SYCP2L: variants seen among roughly 807,000 people sequenced by gnomAD.
SYCP2L encodes the protein synaptonemal complex protein 2-like.
In SYCP2L, 98 loss-of-function variants were observed where a neutral mutation model predicts 125.8. The ratio of observed to expected loss-of-function variants is 0.78; its 90% confidence interval spans 0.66 to 0.92. The LOEUF (loss-of-function observed/expected upper bound fraction) is 0.92. Ranked by LOEUF, SYCP2L falls within the 40% of genes least tolerant of loss-of-function variation. The pLI, the probability that SYCP2L is intolerant of heterozygous loss-of-function variation, is 0.00. For missense variants in SYCP2L, 842 were observed against 936.4 expected, an observed-to-expected ratio of 0.90 and a Z score of 1.32; for synonymous variants, 317 against 325.4, an observed-to-expected ratio of 0.97 and a Z score of 0.28.
At chr6:10,927,204 C>T (rs755351262) in intron 16 of SYCP2L, 36 bp from the exon 17 acceptor site, 120 of 1,611,512 alleles carry the variant, frequency 7.4e-5, no homozygotes, top group South Asian at 4.7e-4. Context: ...AGCGTGTGCA[C>T]GGTTATTATA....
At chr6:10,949,025 G>A (rs1239286966) in intron 23 of SYCP2L, among the ~76,000 whole-genome samples, 1 of 151,880 alleles carries the variant, frequency 6.6e-6, no homozygotes, top group African/African-American at 2.4e-5. Flanking sequence ...TTGCTTATTT[G>A]TATCTTTGAC....
At chr6:10,931,121 T>C (rs1780989746) in intron 19 of SYCP2L, among the ~76,000 whole-genome samples, 1 of 152,158 alleles carries the variant, frequency 6.6e-6, no homozygotes, top group Admixed American at 6.5e-5. Context: ...CAGCGAGCAG[T>C]GATCGTGCCA....
In SYCP2L at chr6:10,906,666, C is replaced by T. The variant is rs558168953; in HGVS notation, c.676+612C>T. On this transcript the variant is annotated intron_variant, in intron 9 of 29. Transcript: ENST00000283141. ...AGGCTGGAGTGCAATGGCGCGATCTCGGCTCACTGCAGCCTCCGCCTCCCG... is the reference window on the plus strand; with the variant it reads ...AGGCTGGAGTGCAATGGCGCGATCTTGGCTCACTGCAGCCTCCGCCTCCCG... Among the ~76,000 whole-genome samples the T allele has an allele frequency of 3.0e-4, 45 of 151,128 alleles. No individual in the cohort carries two copies. In the South Asian group the frequency reaches 6.9e-3, roughly 23 times the overall value.
chr6:10,941,021 T>TA (rs1269656933), intron 21 of SYCP2L, among the ~76,000 whole-genome samples: 3 of 152,134 alleles, frequency 2.0e-5, no homozygotes, highest in Non-Finnish European at 4.4e-5. Context: ...AATTCATCTT[T>TA]GACAAACCTG....
chr6:10,952,338 T>G (rs925284063), intron 23 of SYCP2L, among the ~76,000 whole-genome samples: 1 of 152,052 alleles, frequency 6.6e-6, no homozygotes. Context: ...TTTCTAAAAG[T>G]CTAGTGATTT....
rs189801291 is a variant in SYCP2L, at chr6:10,904,350, A to G, written c.641+1387A>G. On this transcript the variant is annotated intron_variant, in intron 8 of 29. Coordinates refer to ENST00000283141, the MANE Select transcript of SYCP2L (RefSeq NM_001040274.3). ...TGAACCCACGACTGCGCTAACAACC[A>G]GCCAGCGCGGAGGACATCATGGTGG... is the stretch of plus-strand genomic sequence containing the variant. Among the ~76,000 whole-genome samples the G allele has an allele frequency of 3.3e-3, 496 of 152,332 alleles. 3 individuals carry two copies. Among genetic ancestry groups the G allele is most frequent in the Non-Finnish European group, 2.2e-3 (151 of 68,028 alleles).
At chr6:10,926,537 T>TA in intron 16 of SYCP2L, 105 bp downstream of exon 16, 1 of 791,976 alleles carries the variant, frequency 1.3e-6, no homozygotes, top group South Asian at 1.6e-5. Flanking sequence ...GAGTGATGCG[T>TA]GTCTGATGGC....
At chr6:10,918,682 ACG>A (rs1780731490) in intron 14 of SYCP2L, among the ~76,000 whole-genome samples, 1 of 151,908 alleles carries the variant, frequency 6.6e-6, no homozygotes, top group South Asian at 2.1e-4. Flanking sequence ...GATTACAGGC[ACG>A]TGCCACCATA....
At chr6:10,973,468 G>T (rs556455887) in intron 29 of SYCP2L, among the ~76,000 whole-genome samples, 1 of 152,310 alleles carries the variant, frequency 6.6e-6, no homozygotes, top group Non-Finnish European at 1.5e-5. Flanking sequence ...GGAAGCAGAG[G>T]TTGCAGTAAG....
intron 14 of SYCP2L, chr6:10,922,704 T>TGAA (rs1780821401): frequency 1.3e-5 from 2 of 151,958 alleles, no homozygotes; most frequent in African/African-American, 4.8e-5. Context: ...TTCCCTGGAG[T>TGAA]GATGAGTAAA....
At chr6:10,940,067 A>G (rs573698713) in intron 21 of SYCP2L, among the ~76,000 whole-genome samples, 20 of 147,042 alleles carry the variant, frequency 1.4e-4, no homozygotes, top group Non-Finnish European at 2.6e-4. Context: ...AAGAAGCACA[A>G]ATGGCTAATG....
chr6:10,930,219 C>T (rs998482748), intron 18 of SYCP2L, 151 bp from the exon 19 acceptor site: 1 of 700,730 alleles, frequency 1.4e-6, no homozygotes, highest in East Asian at 3.1e-5. Context: ...TTTTCTTCCA[C>T]TCCATACTTC....
At chr6:10,934,907 CAG>C in intron 20 of SYCP2L, 149 bp from the exon 21 acceptor site, 1 of 734,442 alleles carries the variant, frequency 1.4e-6, no homozygotes, top group South Asian at 2.6e-5. Context: ...TAAAAACACA[CAG>C]AAATTCTTAG....
Position 10,894,129 on chromosome 6 carries a change from A to G in SYCP2L, c.261A>G (p.Lys87=). 6.2e-7 allele frequency: 1 copy of G among 1,613,602 alleles called. No homozygotes were observed. The highest frequency in any genetic ancestry group is 8.5e-7 in the Non-Finnish European group (1 of 1,179,730). ...TTCAGTCTGTGTCACTGTTGCTGAA[A>G]TGTATTCAGCGATTCCTCGTAGATG... The part of the protein sequence containing the change: ...NEFQSVSLLL[K]CIQRFLVDGL... Residue 87 remains lysine (K), a synonymous_variant, in exon 4 of 30, where the codon AAA becomes AAG. Coordinates refer to ENST00000283141, the MANE Select transcript of SYCP2L (RefSeq NM_001040274.3).
At chr6:10,929,094 G>T (rs913277311) in intron 18 of SYCP2L, among the ~76,000 whole-genome samples, 2 of 151,834 alleles carry the variant, frequency 1.3e-5, no homozygotes, top group Non-Finnish European at 2.9e-5. Flanking sequence ...GATTTGCCAT[G>T]TTGGCCAGAC....
At chr6:10,926,212 C>A in intron 15 of SYCP2L, 127 bp from the exon 16 acceptor site, 1 of 711,752 alleles carries the variant, frequency 1.4e-6, no homozygotes, top group Non-Finnish European at 2.4e-6. Flanking sequence ...CAGGAGAGGA[C>A]AAACTGGTAA....
chr6:10,897,410 CTTTTT>C (rs5874295), intron 4 of SYCP2L, among the ~76,000 whole-genome samples: 1 of 129,850 alleles, frequency 7.7e-6, no homozygotes. Context: ...TCACTTATCT[CTTTTT>C]TTTTTTTTTT....
intron 2 of SYCP2L, 64 bp downstream of exon 2, chr6:10,891,645 G>GTA: frequency 9.3e-6 from 8 of 864,062 alleles, no homozygotes; most frequent in South Asian, 6.6e-5. Context: ...GTGTGTGTGT[G>GTA]TGTGTGTGTG....
At chr6:10,958,945 A>G in intron 26 of SYCP2L, 70 bp downstream of exon 26, 2 of 1,351,416 alleles carry the variant, frequency 1.5e-6, no homozygotes, top group Non-Finnish European at 2.1e-6. Context: ...TCTCATGACC[A>G]CTGTGCTAGG....
Sources: allele counts gnomAD v4.1 joint callset (sites outside exome capture counted in the v4.1 genomes callset), GRCh38; gene constraint gnomAD v4.1.1; transcripts MANE v1.5; gene names NCBI Gene and HGNC (gene_info 2026-07-23, HGNC 2026-07-21).